Variants in WDFY1 observed in about 807,000 individuals in gnomAD.
WDFY1 encodes the protein WD repeat and FYVE domain-containing protein 1.
A neutral mutation model predicts 56.4 loss-of-function variants in WDFY1; 32 were observed. The ratio of observed to expected loss-of-function variants is 0.57; its 90% CI spans 0.43 to 0.76. The LOEUF (loss-of-function observed/expected upper bound fraction) is 0.76, where lower values mean the gene tolerates loss of function less well. Ranked by LOEUF, WDFY1 falls within the 30% of genes least tolerant of loss-of-function variation. The probability of loss-of-function intolerance (pLI) is 0.00; values close to 1 mark genes in which losing one functional copy is unlikely to be tolerated. For synonymous variants in WDFY1, 192 were observed against 197.3 expected (o/e 0.97, Z 0.23); for missense variants, 480 against 545.7 (o/e 0.88, Z 1.20).
At chr2:223,918,504 AC>A (rs1693831961) in intron 1 of WDFY1, among the ~76,000 whole-genome samples, 1 of 151,898 alleles carries the variant, frequency 6.6e-6, no homozygotes, top group African/African-American at 2.4e-5. Flanking sequence ...GGTGGCGGGC[AC>A]CTGTAGTCCC....
At chr2:223,915,212 G>A in intron 2 of WDFY1, among the ~76,000 whole-genome samples, 1 of 152,254 alleles carries the variant, frequency 6.6e-6, no homozygotes, top group Admixed American at 6.5e-5. Flanking sequence ...GCATCTAGAA[G>A]TAACACACTG....
chr2:223,934,682 G>A (rs548843693), intron 1 of WDFY1, among the ~76,000 whole-genome samples: 29 of 151,662 alleles, frequency 1.9e-4, no homozygotes, highest in Non-Finnish European at 3.7e-4. Context: ...CACCATGCCT[G>A]GCTAATCTTT....
intron 1 of WDFY1, among the ~76,000 whole-genome samples, chr2:223,925,857 C>T (rs1435900527): frequency 5.9e-5 from 9 of 152,192 alleles, no homozygotes; most frequent in Admixed American, 5.9e-4. Flanking sequence ...AAACATTCAG[C>T]TTTTATCATG....
chr2:223,913,526 G>A (rs930203277), intron 2 of WDFY1, among the ~76,000 whole-genome samples: 2 of 152,060 alleles, frequency 1.3e-5, no homozygotes, highest in Admixed American at 6.6e-5. Flanking sequence ...TTAAAAGAAC[G>A]ATCAAGTATT....
At chr2:223,917,649 T>C (rs1469513342) in intron 2 of WDFY1, among the ~76,000 whole-genome samples, 5 of 152,006 alleles carry the variant, frequency 3.3e-5, no homozygotes, top group East Asian at 1.9e-4. Flanking sequence ...CCTTGACCCA[T>C]TGCAACCTCC....
At chr2:223,926,770 C>T (rs937829038) in intron 1 of WDFY1, among the ~76,000 whole-genome samples, 5 of 152,026 alleles carry the variant, frequency 3.3e-5, no homozygotes, top group Admixed American at 6.6e-5. Flanking sequence ...TAGGCTCAAG[C>T]GATTCTCATG....
chr2:223,903,316 G>A (rs1693535713), intron 4 of WDFY1, among the ~76,000 whole-genome samples: 1 of 152,054 alleles, frequency 6.6e-6, no homozygotes, highest in African/African-American at 2.4e-5. Context: ...GGGGCCAAGA[G>A]TTCAAGACCA....
rs115572822 is a variant in WDFY1, at chr2:223,936,848, G to A, written c.137+8300C>T. ...TAACACTGAATAAAGTCTCTAAGGA[G>A]CTTCCCTGATAAACAATATTTCACA... On this transcript the variant is annotated intron_variant, in intron 1 of 11. Coordinates refer to ENST00000233055, the MANE Select transcript of WDFY1 (RefSeq NM_020830.5). Among the ~76,000 whole-genome samples, 1,451 of 152,294 alleles carry A rather than the reference G, an allele frequency of 9.5e-3. 34 individuals carry two copies. Among genetic ancestry groups the A allele is most frequent in the African/African-American group, 0.033 (1,371 of 41,560 alleles).
At chr2:223,895,424 G>C in intron 7 of WDFY1, 80 bp downstream of exon 7, 1 of 1,598,532 alleles carries the variant, frequency 6.3e-7, no homozygotes, top group East Asian at 2.2e-5. Flanking sequence ...TTTGCAGAAA[G>C]TGGTATCAGA....
At chr2:223,892,502 A>G (rs1046329747) in intron 8 of WDFY1, among the ~76,000 whole-genome samples, 1 of 152,230 alleles carries the variant, frequency 6.6e-6, no homozygotes, top group African/African-American at 2.4e-5. Context: ...TTCTTCCACT[A>G]GATTACACAT....
At chr2:223,928,797 C>T (rs1242724909) in intron 1 of WDFY1, among the ~76,000 whole-genome samples, 4 of 152,210 alleles carry the variant, frequency 2.6e-5, no homozygotes, top group African/African-American at 9.6e-5. Context: ...CCTATGCTGG[C>T]CTTCAAATGA....
At chr2:223,886,082 G>A (rs893745233) in intron 8 of WDFY1, among the ~76,000 whole-genome samples, 4 of 151,982 alleles carry the variant, frequency 2.6e-5, no homozygotes, top group East Asian at 1.9e-4. Flanking sequence ...GGTGGCTCAC[G>A]CCTGTCATCT....
Position 223,917,946 on chromosome 2 carries a change from C to A in WDFY1, c.202G>T (p.Ala68Ser), listed in dbSNP as rs766142606. 5.6e-6 allele frequency: 9 copies of A among 1,613,916 alleles called. No individual in the cohort carries two copies. The South Asian group carries it at 7.7e-5, about 14-fold the overall frequency. ...QYWPSIYHTM[A>S]SPCSAMAYHH... ...ATGGAACAGTTCAGCTACTTACAGG[C>A]CATTGTGTGGTAAATGCTGGGCCAG... Residue 68 changes from alanine to serine, a missense_variant, in exon 2 of 12, where the codon GCC becomes TCC. Coordinates refer to ENST00000233055, the MANE Select transcript of WDFY1 (RefSeq NM_020830.5).
chr2:223,930,606 T>G (rs1213759167), intron 1 of WDFY1, among the ~76,000 whole-genome samples: 1 of 152,202 alleles, frequency 6.6e-6, no homozygotes, highest in East Asian at 1.9e-4. Flanking sequence ...TGAACTGCCG[T>G]GCCTTGCCTA....
intron 1 of WDFY1, among the ~76,000 whole-genome samples, chr2:223,924,345 G>A (rs1006795415): frequency 6.6e-6 from 1 of 152,164 alleles, no homozygotes; most frequent in Non-Finnish European, 1.5e-5. Flanking sequence ...ATAACTTACA[G>A]GGTATGCACG....
chr2:223,896,599 G>A (rs951041669), intron 6 of WDFY1, among the ~76,000 whole-genome samples: 1 of 151,964 alleles, frequency 6.6e-6, no homozygotes, highest in African/African-American at 2.4e-5. Flanking sequence ...CTTGTTCATC[G>A]ACTGCTGTTT....
chr2:223,896,551 C>A (rs995343620), intron 6 of WDFY1, among the ~76,000 whole-genome samples: 1 of 152,164 alleles, frequency 6.6e-6, no homozygotes, highest in Non-Finnish European at 1.5e-5. Flanking sequence ...TTGGGGAAAT[C>A]TTTCTTTCTA....
At chr2:223,901,897 T>C (rs1420910294) in intron 4 of WDFY1, among the ~76,000 whole-genome samples, 5 of 152,230 alleles carry the variant, frequency 3.3e-5, no homozygotes, top group Admixed American at 2.0e-4. Context: ...ACAAAGCTTT[T>C]GTAAAGTTCT....
In WDFY1 at chr2:223,945,312, T is replaced by G. The variant is rs746457052; in HGVS notation, c.-28A>C. On this transcript the variant is annotated 5_prime_UTR_variant, in exon 1 of 12. Transcript: ENST00000233055. Reference sequence around the variant, plus strand: ...TCGCGCGGCGACTGCTGCGGCCTCCTCGGCAGGCAGCCCATCAGCTGACGC... The same window carrying G: ...TCGCGCGGCGACTGCTGCGGCCTCCGCGGCAGGCAGCCCATCAGCTGACGC... The G allele has an allele frequency of 6.4e-7, 1 of 1,551,170 alleles. No individual in the cohort carries two copies. The highest frequency in any genetic ancestry group is 8.6e-7 in the Non-Finnish European group (1 of 1,157,446).
Sources: allele counts gnomAD v4.1 joint callset (sites outside exome capture counted in the v4.1 genomes callset), GRCh38; gene constraint gnomAD v4.1.1; transcripts MANE v1.5; gene names NCBI Gene and HGNC (gene_info 2026-07-23, HGNC 2026-07-21).